Variants in CNTNAP2 observed in about 807,000 individuals in gnomAD.
The protein encoded by CNTNAP2 is contactin-associated protein-like 2.
Under a neutral mutation model 155.2 loss-of-function variants are expected in CNTNAP2, and 98 were observed. The observed-to-expected ratio is 0.63, with a 90% CI of 0.54 to 0.75. The LOEUF (loss-of-function observed/expected upper bound fraction) is 0.75, where lower values mean the gene tolerates loss of function less well. Ranked by LOEUF, CNTNAP2 falls within the 30% of genes least tolerant of loss-of-function variation. The pLI is 0.00. For missense variants in CNTNAP2, 1,727 were observed against 1,688.1 expected (o/e 1.02, Z -0.40); for synonymous variants, 651 against 631.2 (o/e 1.03, Z -0.47).
At position 147,858,148 on chromosome 7, in the gene CNTNAP2, C is replaced by T. The variant is rs1014290827; in HGVS notation, c.2099-45417C>T. ...TGTTGCCCAGGCTAGAGTGCAGTGG[C>T]GTGATCTTGGCTTACTGCAACCTCC... On this transcript the variant is annotated intron_variant, in intron 13 of 23. Transcript: ENST00000361727. Among the ~76,000 whole-genome samples, 8 of 152,252 alleles carry T rather than the reference C, an allele frequency of 5.3e-5. No homozygotes were observed. In the South Asian group the frequency reaches 8.3e-4, roughly 16 times the overall value.
At chr7:148,037,240 CT>C (rs1356621403) in intron 15 of CNTNAP2, among the ~76,000 whole-genome samples, 1 of 152,160 alleles carries the variant, frequency 6.6e-6, no homozygotes, top group Admixed American at 6.5e-5. Context: ...TCTTGCTCCC[CT>C]CCCCCATCAT....
At chr7:146,685,297 C>G (rs1292886283) in intron 1 of CNTNAP2, among the ~76,000 whole-genome samples, 2 of 152,098 alleles carry the variant, frequency 1.3e-5, no homozygotes, top group Non-Finnish European at 2.9e-5. Flanking sequence ...ATACATGCAA[C>G]TTGAAACATT....
At chr7:146,813,194 G>A (rs774311743) in intron 2 of CNTNAP2, among the ~76,000 whole-genome samples, 3 of 152,146 alleles carry the variant, frequency 2.0e-5, no homozygotes, top group African/African-American at 7.2e-5. Context: ...GTGAGAAGAG[G>A]ACCACTGTCC....
At chr7:146,831,238 T>G (rs966545442) in intron 2 of CNTNAP2, among the ~76,000 whole-genome samples, 2 of 152,208 alleles carry the variant, frequency 1.3e-5, no homozygotes, top group Non-Finnish European at 2.9e-5. Flanking sequence ...TCACTGTTTT[T>G]AAAATTTATG....
chr7:147,474,989 A>G (rs1798290738), intron 10 of CNTNAP2, among the ~76,000 whole-genome samples: 4 of 152,218 alleles, frequency 2.6e-5, no homozygotes, highest in African/African-American at 9.6e-5. Flanking sequence ...AGCATATTAT[A>G]AACGCTGTTC....
chr7:148,141,581 T>C (rs1210626408), intron 16 of CNTNAP2, among the ~76,000 whole-genome samples: 2 of 152,186 alleles, frequency 1.3e-5, no homozygotes, highest in African/African-American at 4.8e-5. Flanking sequence ...TGGTATCTAC[T>C]GTGTGGCAGG....
At chr7:148,247,578 C>T (rs1272364809) in intron 20 of CNTNAP2, among the ~76,000 whole-genome samples, 3 of 150,436 alleles carry the variant, frequency 2.0e-5, no homozygotes, top group Admixed American at 6.6e-5. Context: ...CTTGCTGTTT[C>T]GGGTCAGCTT....
intron 1 of CNTNAP2, among the ~76,000 whole-genome samples, chr7:146,174,658 C>T (rs889840282): frequency 6.6e-5 from 10 of 152,022 alleles, no homozygotes; most frequent in Admixed American, 3.3e-4. Flanking sequence ...GCCAATATGG[C>T]GAAACCCCAT....
At chr7:146,344,498 G>A (rs1387452240) in intron 1 of CNTNAP2, among the ~76,000 whole-genome samples, 1 of 110,282 alleles carries the variant, frequency 9.1e-6, no homozygotes, top group Non-Finnish European at 1.9e-5. Flanking sequence ...TTCTTTTTTT[G>A]AGACACAGTC....
chr7:147,523,874 T>C (rs746648506), intron 11 of CNTNAP2, among the ~76,000 whole-genome samples: 4 of 152,098 alleles, frequency 2.6e-5, no homozygotes, highest in Non-Finnish European at 5.9e-5. Context: ...CTGCAGAAAA[T>C]AAATACTGCG....
chr7:146,319,995 G>A (rs1420143235), intron 1 of CNTNAP2, among the ~76,000 whole-genome samples: 5 of 149,432 alleles, frequency 3.3e-5, no homozygotes, highest in African/African-American at 5.0e-5. Flanking sequence ...TGTAACTGTC[G>A]CCCCCCCCAC....
rs1420546963 is a variant in CNTNAP2, at chr7:148,205,350, C to T, written c.3011-11938C>T. Among the ~76,000 whole-genome samples the T allele has an allele frequency of 2.6e-5, 4 of 152,232 alleles. No homozygotes were observed. The East Asian group carries it at 7.7e-4, about 29-fold the overall frequency. Reference sequence around the variant, plus strand: ...TGTAGTTAAAGAAACAATATAATTTCTAAAAGCAGTCTCCTCGCAGCAAAC... The same window carrying T: ...TGTAGTTAAAGAAACAATATAATTTTTAAAAGCAGTCTCCTCGCAGCAAAC... On this transcript the variant is annotated intron_variant, in intron 18 of 23. Transcript: ENST00000361727.
intron 16 of CNTNAP2, among the ~76,000 whole-genome samples, chr7:148,136,198 A>G (rs928927437): frequency 1.1e-4 from 17 of 152,072 alleles, no homozygotes; most frequent in African/African-American, 4.1e-4. Context: ...AAATCCAAGC[A>G]AAGATGGGCT....
chr7:146,805,153 G>T (rs954157977), intron 2 of CNTNAP2, among the ~76,000 whole-genome samples: 1 of 152,062 alleles, frequency 6.6e-6, no homozygotes, highest in Non-Finnish European at 1.5e-5. Flanking sequence ...TTAAGGAGAG[G>T]ACAAGGAAGA....
At chr7:146,380,166 A>G (rs1795360652) in intron 1 of CNTNAP2, among the ~76,000 whole-genome samples, 1 of 152,200 alleles carries the variant, frequency 6.6e-6, no homozygotes, top group Admixed American at 6.5e-5. Context: ...TCAGTCTCAT[A>G]ATGATTTTGC....
intron 1 of CNTNAP2, among the ~76,000 whole-genome samples, chr7:146,569,168 C>A (rs557589756): frequency 6.6e-6 from 1 of 152,134 alleles, no homozygotes; most frequent in Admixed American, 6.5e-5. Context: ...AGGCGCCCAC[C>A]ACCACGCCCG....
At chr7:147,700,083 T>A (rs1205820551) in intron 13 of CNTNAP2, among the ~76,000 whole-genome samples, 2 of 152,188 alleles carry the variant, frequency 1.3e-5, no homozygotes, top group African/African-American at 4.8e-5. Flanking sequence ...TTCTTTGCTT[T>A]TCACTCTCTG....
At chr7:146,298,251 G>A (rs1300306064) in intron 1 of CNTNAP2, among the ~76,000 whole-genome samples, 1 of 152,142 alleles carries the variant, frequency 6.6e-6, no homozygotes, top group Admixed American at 6.5e-5. Context: ...TTGAGTTATT[G>A]TTCTGTGTTT....
intron 13 of CNTNAP2, among the ~76,000 whole-genome samples, chr7:147,870,435 C>T (rs1479929334): frequency 6.6e-6 from 1 of 152,130 alleles, no homozygotes; most frequent in East Asian, 1.9e-4. Context: ...CCTGGGGCAG[C>T]CCATGGAAAG....
Sources: gnomAD v4.1 joint callset for allele counts (sites outside exome capture counted in the v4.1 genomes callset) on GRCh38, gnomAD v4.1.1 for gene constraint, MANE v1.5 for transcripts, NCBI Gene and HGNC (gene_info 2026-07-23, HGNC 2026-07-21) for gene names.